The following UBE2E2 variants were observed in gnomAD, a reference collection of about 807,000 sequenced individuals.
UBE2E2 encodes ubiquitin conjugating enzyme E2 E2.
Under a neutral mutation model 24.7 loss-of-function variants are expected in UBE2E2, and 6 were observed. The ratio of observed to expected loss-of-function variants is 0.24; its 90% CI spans 0.13 to 0.48. UBE2E2 has a LOEUF of 0.48. UBE2E2 is among the 20% of genes least tolerant of loss of function. The pLI, the probability that UBE2E2 is intolerant of heterozygous loss-of-function variation, is 0.99. For missense variants in UBE2E2, 169 were observed against 245.0 expected (o/e 0.69, Z 2.07); for synonymous variants, 104 against 83.6 (o/e 1.24, Z -1.33).
chr3:23,303,544 TC>T (rs1358650214), intron 3 of UBE2E2, among the ~76,000 whole-genome samples: 2 of 152,184 alleles, frequency 1.3e-5, no homozygotes, highest in Admixed American at 1.3e-4. Flanking sequence ...CATGTTTAAT[TC>T]AGCTTTAGAA....
At chr3:23,300,422 C>A (rs1489684337) in intron 3 of UBE2E2, among the ~76,000 whole-genome samples, 1 of 152,240 alleles carries the variant, frequency 6.6e-6, no homozygotes, top group East Asian at 1.9e-4. Context: ...TGGCTGGTAC[C>A]GGTTGTCCCT....
chr3:23,281,927 T>G (rs1355756078), intron 3 of UBE2E2, among the ~76,000 whole-genome samples: 1 of 152,232 alleles, frequency 6.6e-6, no homozygotes. Flanking sequence ...TTAAATACTT[T>G]CTTTGTGCCA....
At chr3:23,245,913 G>C (rs1697381930) in intron 3 of UBE2E2, among the ~76,000 whole-genome samples, 1 of 152,124 alleles carries the variant, frequency 6.6e-6, no homozygotes, top group Non-Finnish European at 1.5e-5. Context: ...ACCTGAGGTT[G>C]AACACTTAAT....
intron 3 of UBE2E2, among the ~76,000 whole-genome samples, chr3:23,292,415 T>TC (rs1487789515): frequency 6.6e-6 from 1 of 151,532 alleles, no homozygotes; most frequent in Non-Finnish European, 1.5e-5. Flanking sequence ...CCTGACCTTA[T>TC]TTTTTTTTCA....
intron 4 of UBE2E2, among the ~76,000 whole-genome samples, chr3:23,500,723 TC>T (rs1699703069): frequency 6.6e-6 from 1 of 152,240 alleles, no homozygotes; most frequent in African/African-American, 2.4e-5. Context: ...CCCCTGCTCT[TC>T]CTTTCTTCCT....
intron 1 of UBE2E2, among the ~76,000 whole-genome samples, chr3:23,204,241 G>A (rs1238626719): frequency 6.7e-6 from 1 of 148,486 alleles, no homozygotes; most frequent in East Asian, 2.0e-4. Context: ...GGCTTCTTGT[G>A]GCTTTTTTCC....
chr3:23,358,803 A>G (rs1266328169), intron 3 of UBE2E2, among the ~76,000 whole-genome samples: 1 of 152,224 alleles, frequency 6.6e-6, no homozygotes, highest in Non-Finnish European at 1.5e-5. Context: ...TTGTGCATGA[A>G]CTAACATGGG....
intron 3 of UBE2E2, among the ~76,000 whole-genome samples, chr3:23,381,341 A>G (rs544920643): frequency 6.6e-6 from 1 of 152,360 alleles, no homozygotes; most frequent in East Asian, 1.9e-4. Context: ...TAGAAAAACT[A>G]TCCAAAATTC....
intron 5 of UBE2E2, among the ~76,000 whole-genome samples, chr3:23,552,949 A>T (rs978646218): frequency 2.6e-5 from 4 of 152,220 alleles, no homozygotes; most frequent in Non-Finnish European, 4.4e-5. Flanking sequence ...AGTATTTTCT[A>T]TGTAAATTTT....
chr3:23,491,092 G>T (rs768955284), intron 3 of UBE2E2, among the ~76,000 whole-genome samples: 2 of 152,112 alleles, frequency 1.3e-5, no homozygotes, highest in Non-Finnish European at 1.5e-5. Flanking sequence ...GTATGAAATG[G>T]GTCTTTTCTA....
chr3:23,280,802 T>C lies in UBE2E2; in HGVS notation c.227+63490T>C, dbSNP rs145782958. Among the ~76,000 whole-genome samples, 990 of 152,354 alleles carry C rather than the reference T, an allele frequency of 6.5e-3. 11 individuals are homozygous for C. Among genetic ancestry groups the C allele is most frequent in the African/African-American group, 0.023 (950 of 41,588 alleles). ...TCTGCTTTTTTCCATGAATGTTGCC[T>C]TCTCTCGTGTTTCACATTCAGAATT... On this transcript the variant is annotated intron_variant, in intron 3 of 5. Coordinates refer to ENST00000396703, the MANE Select transcript of UBE2E2 (RefSeq NM_152653.4). The surrounding 1 kb of genome is among the most constrained non-coding windows in gnomAD (Gnocchi z 4.3).
chr3:23,216,779 C>G (rs113298222), intron 2 of UBE2E2, among the ~76,000 whole-genome samples: 91 of 152,180 alleles, frequency 6.0e-4, no homozygotes, highest in African/African-American at 2.0e-3. Flanking sequence ...AAGTCCCAAC[C>G]TGGTCCAAAT....
At chr3:23,507,549 C>T (rs1279483523) in intron 4 of UBE2E2, among the ~76,000 whole-genome samples, 1 of 152,202 alleles carries the variant, frequency 6.6e-6, no homozygotes, top group Non-Finnish European at 1.5e-5. Flanking sequence ...ACCCCCACTT[C>T]ATGGATCAGA....
chr3:23,499,775 T>C (rs373670059), intron 4 of UBE2E2, 35 bp downstream of exon 4: 1 of 1,605,740 alleles, frequency 6.2e-7, no homozygotes, highest in African/African-American at 1.3e-5. Context: ...TTTAGCAATA[T>C]GGATTATATT....
intron 5 of UBE2E2, among the ~76,000 whole-genome samples, chr3:23,576,113 A>G (rs1171233293): frequency 1.3e-5 from 2 of 152,214 alleles, no homozygotes; most frequent in African/African-American, 4.8e-5. Flanking sequence ...TTTTTACTTT[A>G]TACATACTTC....
chr3:23,291,128 T>G (rs1698755752), intron 3 of UBE2E2, among the ~76,000 whole-genome samples: 1 of 151,728 alleles, frequency 6.6e-6, no homozygotes, highest in Non-Finnish European at 1.5e-5. Flanking sequence ...GAATATCTTT[T>G]GCTGACTAGA....
chr3:23,335,490 C>T (rs1236150350), intron 3 of UBE2E2, among the ~76,000 whole-genome samples: 2 of 152,204 alleles, frequency 1.3e-5, no homozygotes, highest in East Asian at 3.9e-4. Context: ...TATATTAATG[C>T]ATCTTGAATT....
At chr3:23,286,133 C>G (rs973326363) in intron 3 of UBE2E2, among the ~76,000 whole-genome samples, 1 of 152,148 alleles carries the variant, frequency 6.6e-6, no homozygotes, top group Non-Finnish European at 1.5e-5. Context: ...GTTGTCTCTT[C>G]ATTTGTTGAC....
In UBE2E2 at chr3:23,407,718, A is replaced by T. The variant is rs1697399385; in HGVS notation, c.228-91890A>T. Among the ~76,000 whole-genome samples, 1 of 150,490 alleles carries T rather than the reference A, an allele frequency of 6.6e-6. No homozygotes were observed. Among genetic ancestry groups the T allele is most frequent in the African/African-American group, 2.4e-5 (1 of 40,878 alleles). ...TATTTCAGAGAAAATCCCAGGCTTT[A>T]TGCCGTTTTACTCCTAAACCTCTGT... On this transcript the variant is annotated intron_variant, in intron 3 of 5. Transcript: ENST00000396703. The surrounding 1 kb of genome is among the most constrained non-coding windows in gnomAD (Gnocchi z 4.0).
Sources: gnomAD v4.1 joint callset for allele counts (sites outside exome capture counted in the v4.1 genomes callset) on GRCh38, gnomAD v4.1.1 for gene constraint, Gnocchi (gnomAD v3.1) non-coding constraint, MANE v1.5 for transcripts, NCBI Gene and HGNC (gene_info 2026-07-23, HGNC 2026-07-21) for gene names.